The following USP34 variants were observed in gnomAD, a reference collection of about 807,000 sequenced individuals.
USP34 encodes ubiquitin specific peptidase 34.
A neutral mutation model predicts 460.3 loss-of-function variants in USP34; 70 were observed. That is an observed-to-expected ratio of 0.15 (90% confidence interval 0.13 to 0.19). USP34 has a LOEUF of 0.19. Among genes scored for constraint, USP34 ranks in the 10% least tolerant of loss-of-function variants. The pLI is 1.00. For synonymous variants in USP34, 1,647 were observed against 1,405.3 expected (o/e 1.17, Z -3.85); for missense variants, 3,985 against 4,236.2 (o/e 0.94, Z 1.65).
chr2:61,235,520 T>C (rs375525592), intron 57 of USP34, among the ~76,000 whole-genome samples: 27 of 152,124 alleles, frequency 1.8e-4, no homozygotes, highest in African/African-American at 6.5e-4. Flanking sequence ...GAGACAGTGT[T>C]TCACCACGTT....
intron 62 of USP34, chr2:61,223,529 C>G (rs1258609358): frequency 4.0e-6 from 2 of 495,750 alleles, no homozygotes; most frequent in African/African-American, 3.9e-5. Context: ...AATTAACTTA[C>G]TATTTTAGTA....
At chr2:61,386,831 C>T (rs910310676) in intron 5 of USP34, among the ~76,000 whole-genome samples, 19 of 152,030 alleles carry the variant, frequency 1.2e-4, no homozygotes, top group African/African-American at 4.6e-4. Flanking sequence ...TCTTCATGGC[C>T]TTAGAGTTAA....
At chr2:61,421,408 C>G (rs893981863) in intron 1 of USP34, among the ~76,000 whole-genome samples, 3 of 152,192 alleles carry the variant, frequency 2.0e-5, no homozygotes, top group African/African-American at 7.2e-5. Flanking sequence ...ACATTCAGTT[C>G]TCATTAAAAG....
At chr2:61,320,319 C>T (rs1456562775) in intron 21 of USP34, among the ~76,000 whole-genome samples, 1 of 152,158 alleles carries the variant, frequency 6.6e-6, no homozygotes, top group Non-Finnish European at 1.5e-5. Flanking sequence ...CATTCCATTG[C>T]AGATTGCCCT....
At chr2:61,276,955 T>C (rs1479948762) in intron 41 of USP34, among the ~76,000 whole-genome samples, 1 of 152,196 alleles carries the variant, frequency 6.6e-6, no homozygotes, top group East Asian at 1.9e-4. Context: ...CTCCAGACCA[T>C]AACAAATTCC....
intron 76 of USP34, among the ~76,000 whole-genome samples, chr2:61,192,510 G>A (rs1305500883): frequency 2.6e-5 from 4 of 152,166 alleles, no homozygotes; most frequent in African/African-American, 7.2e-5. Context: ...CTGCTGACAG[G>A]GTTTCTGCTA....
At chr2:61,424,682 C>T (rs762878010) in intron 1 of USP34, among the ~76,000 whole-genome samples, 59 of 152,098 alleles carry the variant, frequency 3.9e-4, no homozygotes, top group Non-Finnish European at 7.1e-4. Flanking sequence ...TCAACACCAG[C>T]CCAGGCAACA....
intron 49 of USP34, among the ~76,000 whole-genome samples, chr2:61,246,814 T>G (rs192175606): frequency 3.9e-5 from 6 of 152,248 alleles, no homozygotes; most frequent in African/African-American, 1.4e-4. Context: ...CAATATAAAG[T>G]ATAAATATAA....
At chr2:61,356,824 A>AC (rs1558547389) in intron 10 of USP34, among the ~76,000 whole-genome samples, 1 of 152,206 alleles carries the variant, frequency 6.6e-6, no homozygotes, top group African/African-American at 2.4e-5. Flanking sequence ...ACATTAGTGA[A>AC]CTACACACTT....
chr2:61,399,738 T>C (rs1043925549), intron 3 of USP34, among the ~76,000 whole-genome samples: 2 of 151,678 alleles, frequency 1.3e-5, no homozygotes, highest in African/African-American at 4.8e-5. Flanking sequence ...CCAGGCGTGG[T>C]GGCGGGCGCC....
intron 3 of USP34, among the ~76,000 whole-genome samples, chr2:61,395,551 C>T (rs1455159013): frequency 1.4e-5 from 2 of 147,524 alleles, no homozygotes; most frequent in Non-Finnish European, 2.9e-5. Context: ...GTAATCCCAG[C>T]ACTTTGGGAG....
chr2:61,377,406 G>T (rs1326056401), intron 8 of USP34, among the ~76,000 whole-genome samples: 1 of 151,868 alleles, frequency 6.6e-6, no homozygotes, highest in Non-Finnish European at 1.5e-5. Flanking sequence ...ACAATTAAAT[G>T]GAATACATAT....
chr2:61,339,212 T>C (rs887482626), intron 18 of USP34, 139 bp downstream of exon 18: 4 of 840,736 alleles, frequency 4.8e-6, no homozygotes, highest in African/African-American at 1.8e-5. Flanking sequence ...AAATTTCATA[T>C]GAAAACTATA....
At chr2:61,370,676 T>A (rs755158914) in intron 8 of USP34, 97 bp from the exon 9 acceptor site, 4 of 1,036,354 alleles carry the variant, frequency 3.9e-6, no homozygotes, top group Non-Finnish European at 5.7e-6. Flanking sequence ...TTTGTTCCTA[T>A]AGGAATTATA....
At chr2:61,297,935 T>G (rs1690085557) in intron 29 of USP34, among the ~76,000 whole-genome samples, 1 of 152,048 alleles carries the variant, frequency 6.6e-6, no homozygotes. Context: ...AACCCTCGAG[T>G]AACACTTGCG....
At position 61,293,590 on chromosome 2, in the gene USP34, A is replaced by C. The variant is rs1572906727; in HGVS notation, c.4462-40T>G. ...GAAAGTAATAGTAAGAGAAAAGCAG[A>C]TATATAATGCAATAATGCTTGTTGA... On this transcript the variant is annotated intron_variant, in intron 32 of 79. Transcript: ENST00000398571. 4.7e-6 allele frequency: 7 copies of C among 1,490,624 alleles called. No individual in the cohort carries two copies. The East Asian group carries it at 1.6e-4, about 34-fold the overall frequency. 92.3% of individuals were successfully genotyped at this position (1,490,624 alleles called of 1,614,324 possible).
chr2:61,383,544 A>AACACAAAAATTAGCCGGGCATGGTGGCG (rs1430362294), intron 5 of USP34, among the ~76,000 whole-genome samples: 5 of 152,086 alleles, frequency 3.3e-5, no homozygotes, highest in Non-Finnish European at 7.4e-5. Context: ...ATCTACTAAA[A>AACACAAAAATTAGCCGGGCATGGTGGCG]ACACAAAAAT....
At chr2:61,453,832 C>T (rs537729133) in intron 1 of USP34, among the ~76,000 whole-genome samples, 3 of 149,442 alleles carry the variant, frequency 2.0e-5, no homozygotes, top group African/African-American at 7.4e-5. Context: ...TTTTTTTAAA[C>T]AGGAAAACAT....
At chr2:61,316,658 G>T (rs1690758449) in intron 23 of USP34, among the ~76,000 whole-genome samples, 1 of 151,908 alleles carries the variant, frequency 6.6e-6, no homozygotes, top group African/African-American at 2.4e-5. Context: ...GCCAAGGCGG[G>T]TGGATCACCT....
Sources: gnomAD v4.1 joint callset for allele counts (sites outside exome capture counted in the v4.1 genomes callset) on GRCh38, gnomAD v4.1.1 for gene constraint, MANE v1.5 for transcripts, NCBI Gene and HGNC (gene_info 2026-07-23, HGNC 2026-07-21) for gene names.